ABCD3: variants seen among roughly 807,000 people sequenced by gnomAD.
ABCD3 encodes ATP binding cassette subfamily D member 3, also known as ATP-binding cassette sub-family D member 3.
In ABCD3, 41 loss-of-function variants were observed where a neutral mutation model predicts 105.5. The observed-to-expected ratio is 0.39, with a 90% CI of 0.30 to 0.50. ABCD3 has a LOEUF of 0.50. ABCD3 is among the 20% of genes least tolerant of loss of function. The probability of loss-of-function intolerance (pLI) is 0.84; values close to 1 mark genes in which losing one functional copy is unlikely to be tolerated. For missense variants in ABCD3, 622 were observed against 806.3 expected (o/e 0.77, Z 2.77); for synonymous variants, 258 against 269.0 (o/e 0.96, Z 0.40).
At chr1:94,439,452 G>C (rs974545933) in intron 1 of ABCD3, among the ~76,000 whole-genome samples, 2 of 151,914 alleles carry the variant, frequency 1.3e-5, no homozygotes, top group African/African-American at 4.8e-5. Flanking sequence ...GACCAGCCTG[G>C]CCAACATGAT....
At chr1:94,444,254 C>T (rs1660251581) in intron 1 of ABCD3, among the ~76,000 whole-genome samples, 1 of 150,798 alleles carries the variant, frequency 6.6e-6, no homozygotes, top group South Asian at 2.1e-4. Flanking sequence ...ATTGCTTGAA[C>T]CTGGGAGGCG....
At chr1:94,390,678 A>G in the ABCD3 span, among the ~76,000 whole-genome samples, 4 of 152,174 alleles carry the variant, frequency 2.6e-5, no homozygotes, top group East Asian at 1.9e-4. Context: ...TTACTTAGAC[A>G]TATTAACTTG....
intron 1 of ABCD3, chr1:94,418,944 C>T (rs1427545506): frequency 8.8e-6 from 3 of 341,458 alleles, no homozygotes; most frequent in East Asian, 7.2e-5. Flanking sequence ...TCTGTGTCAA[C>T]TTTCTGGGTG....
rs1648059684 is a variant in ABCD3, at chr1:94,464,804, G to A, written c.177G>A (p.Val59=). The change falls in exon 3 of 23, where the codon GTG becomes GTA. Residue 59 remains valine, a synonymous_variant. Transcript: ENST00000370214. ...AGGGGAAAAAGGAGCGAGCTGTGGT[G>A]GACAAGGTGTTTTTCTCAAGGCTCA... ...EKEGKKERAV[V]DKVFFSRLIQ... 3 of 1,613,552 alleles carry A rather than the reference G, an allele frequency of 1.9e-6. No homozygotes were observed. The highest frequency in any genetic ancestry group is 2.5e-6 in the Non-Finnish European group (3 of 1,179,892).
chr1:94,487,757 G>A lies in ABCD3; in HGVS notation c.1031G>A (p.Arg344Gln), dbSNP rs775642799. Reference sequence around the variant, plus strand: ...CCTTTCTTAGATTTGTCTCATCCTCGACATCTCAAGAGTACACATTCGGAA... The same window carrying A: ...CCTTTCTTAGATTTGTCTCATCCTCAACATCTCAAGAGTACACATTCGGAA... ...SRPFLDLSHP[R>Q]HLKSTHSELL... The change falls in exon 12 of 23, where the codon CGA (arginine) becomes CAA (glutamine). Residue 344 changes from arginine to glutamine, a missense_variant. Around this residue, in one of 4 missense-constraint regions of ABCD3, gnomAD observed 245 missense variants for 356.4 expected, o/e 0.69. Coordinates refer to ENST00000370214, the MANE Select transcript of ABCD3 (RefSeq NM_002858.4). 1.4e-5 allele frequency: 22 copies of A among 1,613,800 alleles called. No homozygotes were observed. The East Asian group carries it at 2.9e-4, about 21-fold the overall frequency.
chr1:94,408,913 A>G, the ABCD3 span, among the ~76,000 whole-genome samples: 3 of 152,240 alleles, frequency 2.0e-5, no homozygotes, highest in East Asian at 1.9e-4. Flanking sequence ...TTAAACTGCA[A>G]TAAGACCCTG....
chr1:94,477,709 A>C (rs1156320386), intron 7 of ABCD3, among the ~76,000 whole-genome samples: 1 of 67,142 alleles, frequency 1.5e-5, no homozygotes, highest in Non-Finnish European at 5.1e-5. Context: ...TGTAAAGAGC[A>C]GTACATTAAT....
At chr1:94,407,496 C>G in the ABCD3 span, among the ~76,000 whole-genome samples, 2 of 152,108 alleles carry the variant, frequency 1.3e-5, no homozygotes, top group Non-Finnish European at 2.9e-5. Flanking sequence ...TTGTAATTTT[C>G]TTCATATAGG....
At chr1:94,386,031 C>A in the ABCD3 span, among the ~76,000 whole-genome samples, 2 of 124 alleles carry the variant, frequency 0.016, no homozygotes, top group African/African-American at 0.043. Flanking sequence ...CTGTTTCTTT[C>A]TTTCTTTCTT....
chr1:94,453,456 C>T (rs1647363983), intron 1 of ABCD3, among the ~76,000 whole-genome samples: 1 of 151,466 alleles, frequency 6.6e-6, no homozygotes, highest in African/African-American at 2.4e-5. Context: ...GTAGCTGGGA[C>T]TACAGGTGCC....
chr1:94,455,669 T>C (rs1408007904), intron 1 of ABCD3: 18 of 448,474 alleles, frequency 4.0e-5, no homozygotes, highest in South Asian at 1.1e-4. Flanking sequence ...ATAGGACTTA[T>C]ATGTAGATTA....
chr1:94,441,140 GCTT>G (rs1660116354), intron 1 of ABCD3, among the ~76,000 whole-genome samples: 1 of 152,060 alleles, frequency 6.6e-6, no homozygotes, highest in South Asian at 2.1e-4. Context: ...AAATTAAAAA[GCTT>G]CTGTGTGGTA....
At chr1:94,505,702 A>G (rs907521012) in intron 20 of ABCD3, among the ~76,000 whole-genome samples, 1 of 152,164 alleles carries the variant, frequency 6.6e-6, no homozygotes, top group Admixed American at 6.6e-5. Context: ...TGAAGGAGAA[A>G]GTGCTAGAAA....
intron 4 of ABCD3, among the ~76,000 whole-genome samples, chr1:94,469,792 A>T (rs907428570): frequency 5.3e-5 from 8 of 151,160 alleles, no homozygotes. Flanking sequence ...CAGCCTCCTG[A>T]ATAGCTGGGA....
At chr1:94,510,916 G>A (rs1185737709) in intron 21 of ABCD3, among the ~76,000 whole-genome samples, 1 of 152,100 alleles carries the variant, frequency 6.6e-6, no homozygotes, top group Admixed American at 6.6e-5. Context: ...CCTGAATACA[G>A]CACACTGATG....
At chr1:94,450,536 C>G (rs997913982) in intron 1 of ABCD3, among the ~76,000 whole-genome samples, 1 of 152,248 alleles carries the variant, frequency 6.6e-6, no homozygotes, top group East Asian at 1.9e-4. Context: ...AGGACATGTT[C>G]CTGCTGCAGA....
At chr1:94,422,581 G>A (rs1211613362) in intron 1 of ABCD3, among the ~76,000 whole-genome samples, 1 of 152,186 alleles carries the variant, frequency 6.6e-6, no homozygotes, top group Non-Finnish European at 1.5e-5. Context: ...GCCTACATCA[G>A]ATCCTGAGTT....
chr1:94,423,154 C>G (rs188698296), intron 1 of ABCD3, among the ~76,000 whole-genome samples: 1 of 152,302 alleles, frequency 6.6e-6, no homozygotes, highest in East Asian at 1.9e-4. Flanking sequence ...TATGATATCC[C>G]TGTTCTCCAA....
At chr1:94,495,556 G>C (rs975793072) in intron 16 of ABCD3, among the ~76,000 whole-genome samples, 1 of 152,190 alleles carries the variant, frequency 6.6e-6, no homozygotes, top group Non-Finnish European at 1.5e-5. Flanking sequence ...ATGCTGAGTA[G>C]GTTAGCCAGG....
Sources: allele counts gnomAD v4.1 joint callset (sites outside exome capture counted in the v4.1 genomes callset), GRCh38; gene constraint gnomAD v4.1.1; regional missense constraint gnomAD v4.1.1; transcripts MANE v1.5; gene names NCBI Gene and HGNC (gene_info 2026-07-23, HGNC 2026-07-21).